Variants in PEAK1 observed in about 807,000 individuals in gnomAD.
PEAK1 encodes the protein inactive tyrosine-protein kinase PEAK1.
In PEAK1, 54 loss-of-function variants were observed where a neutral mutation model predicts 124.7. The observed-to-expected ratio is 0.43, with a 90% CI of 0.35 to 0.54. The LOEUF (loss-of-function observed/expected upper bound fraction) is 0.54. PEAK1 is among the 20% of genes least tolerant of loss of function. The probability of loss-of-function intolerance (pLI) is 0.01; values close to 1 mark genes in which losing one functional copy is unlikely to be tolerated. For synonymous variants in PEAK1, 719 were observed against 760.0 expected, an observed-to-expected ratio of 0.95 and a Z score of 0.89; for missense variants, 2,046 against 2,134.5, an observed-to-expected ratio of 0.96 and a Z score of 0.82.
intron 6 of PEAK1, among the ~76,000 whole-genome samples, chr15:77,250,175 G>GTATATGTATATATATACATA (rs1555456290): frequency 1.1e-4 from 14 of 130,874 alleles, no homozygotes; most frequent in African/African-American, 4.3e-4. Context: ...ACATATATAT[G>GTATATGTATATATATACATA]TATATGTATA....
In PEAK1 at chr15:77,262,114, A is replaced by G. The variant is rs1037731443; in HGVS notation, c.-274-9588T>C. ...TAAAAGAACTCCTGAAGGAAGCACT[A>G]AACATGGAAAGGAACAACCAGTTCC... On this transcript the variant is annotated intron_variant, in intron 5 of 9. Coordinates refer to ENST00000682557, the MANE Select transcript of PEAK1 (RefSeq NM_001385026.1). 2.0e-5 allele frequency among the ~76,000 whole-genome samples: 3 copies of G among 152,202 alleles called. No individual in the cohort carries two copies. In the East Asian group the frequency reaches 5.8e-4, roughly 29 times the overall value.
chr15:77,308,301 A>G (rs563004242), intron 2 of PEAK1, among the ~76,000 whole-genome samples: 1 of 152,216 alleles, frequency 6.6e-6, no homozygotes, highest in Admixed American at 6.5e-5. Context: ...CAGAGTTGCT[A>G]TAAAGATTTA....
At position 77,114,293 on chromosome 15, in the gene PEAK1, G is replaced by C. The variant is rs1194416610; in HGVS notation, c.5104C>G (p.Leu1702Val). ...GACTTCTCAGCAAACTTGATCATGA[G>C]CAGTGTTCGCTTGATGTCTAGCCAG... Reference protein sequence around the residue: ...QNWLDIKRTLLMIKFAEKSLD... With the variant: ...QNWLDIKRTLVMIKFAEKSLD... The change falls in exon 10 of 10, where the codon CTC (leucine) becomes GTC (valine). Residue 1702 changes from leucine to valine, a missense_variant. Leu to Val is a conservative substitution (Grantham distance 32). Transcript: ENST00000682557. 6.2e-7 allele frequency: 1 copy of C among 1,614,102 alleles called. No individual in the cohort carries two copies. Among genetic ancestry groups the C allele is most frequent in the East Asian group, 2.2e-5 (1 of 44,898 alleles).
Position 77,179,178 on chromosome 15 carries a change from C to G in PEAK1, c.2749G>C (p.Ala917Pro). 1.9e-6 allele frequency: 3 copies of G among 1,614,176 alleles called. No individual in the cohort carries two copies. Among genetic ancestry groups the G allele is most frequent in the Non-Finnish European group, 2.5e-6 (3 of 1,180,034 alleles). ...SVLHSEGSRR[A>P]ADAKPKRWIS... Reference sequence around the variant, plus strand: ...CAGCGCTTAGGTTTTGCATCAGCTGCCCGCCTGCTGCCTTCAGAGTGCAAA... The same window carrying G: ...CAGCGCTTAGGTTTTGCATCAGCTGGCCGCCTGCTGCCTTCAGAGTGCAAA... Residue 917 changes from alanine (A) to proline (P), a missense_variant, in exon 7 of 10, where the codon GCA becomes CCA. By Grantham distance (27) the Ala-to-Pro change is conservative. Transcript: ENST00000682557.
At chr15:77,121,677 T>C (rs2051930638) in intron 9 of PEAK1, among the ~76,000 whole-genome samples, 1 of 152,130 alleles carries the variant, frequency 6.6e-6, no homozygotes, top group South Asian at 2.1e-4. Flanking sequence ...ATAAGACTCT[T>C]CAAAAATATT....
intron 2 of PEAK1, chr15:77,350,339 G>A (rs1413188175): frequency 1.0e-6 from 1 of 985,282 alleles, no homozygotes; most frequent in African/African-American, 1.7e-5. Flanking sequence ...CATGGCCAGA[G>A]AGTATCATCA....
Position 77,180,012 on chromosome 15 carries a change from C to G in PEAK1, c.1915G>C (p.Ala639Pro). 6.2e-7 allele frequency: 1 copy of G among 1,614,042 alleles called. No homozygotes were observed. Among genetic ancestry groups the G allele is most frequent in the Non-Finnish European group, 8.5e-7 (1 of 1,179,964 alleles). The part of the protein sequence containing the change: ...VINPNAYDNL[A>P]IYKSFLGTSG... ...GTTCCCAGAAAACTTTTGTAGATAG[C>G]TAGATTGTCATATGCATTTGGATTG... The change falls in exon 7 of 10, where the codon GCT (alanine) becomes CCT (proline). Residue 639 changes from alanine to proline, a missense_variant. Ala to Pro is a conservative substitution (Grantham distance 27). Transcript: ENST00000682557.
At chr15:77,408,158 C>T (rs201256436) in intron 1 of PEAK1, among the ~76,000 whole-genome samples, 38,875 of 142,124 alleles carry the variant, frequency 0.27, 5,376 homozygotes, top group Middle Eastern at 0.35. Context: ...TATACATACA[C>T]ACACACACAC....
chr15:77,253,242 C>T lies in PEAK1; in HGVS notation c.-274-716G>A, dbSNP rs541496487. Among the ~76,000 whole-genome samples, 306 of 62,670 alleles carry T rather than the reference C, an allele frequency of 4.9e-3. 1 individual carries two copies. The highest frequency in any genetic ancestry group is 0.012 in the Non-Finnish European group (244 of 20,244). 41.1% of individuals were successfully genotyped at this position (62,670 alleles called of 152,430 possible). ...CTGAGCATCTGTGAATTTTGGTATG[C>T]GTTGGGGGGGGGGTGGTCCTGGAGC... On this transcript the variant is annotated intron_variant, in intron 5 of 9. Transcript: ENST00000682557.
intron 6 of PEAK1, among the ~76,000 whole-genome samples, chr15:77,201,296 G>A (rs1390999468): frequency 7.8e-6 from 1 of 128,886 alleles, no homozygotes; most frequent in Non-Finnish European, 1.6e-5. Context: ...GGAGTGCAGT[G>A]TTGAAATCTC....
chr15:77,319,113 G>A (rs550185762), intron 2 of PEAK1, among the ~76,000 whole-genome samples: 1 of 152,228 alleles, frequency 6.6e-6, no homozygotes, highest in East Asian at 1.9e-4. Context: ...TTGAAATTTA[G>A]TAACTACTCT....
rs561631540 is a variant in PEAK1, at chr15:77,281,013, A to G, written c.-275+2870T>C. Among the ~76,000 whole-genome samples the G allele has an allele frequency of 1.7e-3, 254 of 152,082 alleles. 1 individual carries two copies. The highest frequency in any genetic ancestry group is 2.8e-3 in the Non-Finnish European group (193 of 67,998). ...CATCTCTACTGAAAATACAAAAATT[A>G]GCCAGGTGGGGTGACACCGGTAATC... On this transcript the variant is annotated intron_variant, in intron 5 of 9. Coordinates refer to ENST00000682557, the MANE Select transcript of PEAK1 (RefSeq NM_001385026.1).
intron 2 of PEAK1, chr15:77,330,961 G>A: frequency 1.5e-5 from 13 of 858,590 alleles, no homozygotes; most frequent in Non-Finnish European, 1.8e-5. Context: ...TAGGTACTAA[G>A]TATTTGTGAG....
intron 1 of PEAK1, among the ~76,000 whole-genome samples, chr15:77,407,912 TACACATATATACATATATAC>T (rs1567364185): frequency 1.1e-5 from 1 of 90,128 alleles, no homozygotes; most frequent in Non-Finnish European, 3.0e-5. Context: ...CACATATATA[TACACATATATACATATATAC>T]ACACATATAT....
At chr15:77,253,247 G>T (rs564586272) in intron 5 of PEAK1, among the ~76,000 whole-genome samples, 4 of 148,466 alleles carry the variant, frequency 2.7e-5, no homozygotes, top group South Asian at 2.2e-4. Flanking sequence ...GTATGCGTTG[G>T]GGGGGGGGTG....
chr15:77,279,835 T>A (rs1163030962), intron 5 of PEAK1, among the ~76,000 whole-genome samples: 1 of 152,182 alleles, frequency 6.6e-6, no homozygotes, highest in African/African-American at 2.4e-5. Flanking sequence ...GGATACAGTT[T>A]AGCTAGGAAA....
chr15:77,355,871 C>G (rs1384994319), intron 2 of PEAK1: 2 of 985,168 alleles, frequency 2.0e-6, no homozygotes, highest in Admixed American at 1.2e-4. Context: ...AAGTTACAGC[C>G]CTGGAAAAAT....
chr15:77,280,748 T>C (rs1158158599), intron 5 of PEAK1, among the ~76,000 whole-genome samples: 1 of 152,208 alleles, frequency 6.6e-6, no homozygotes, highest in Non-Finnish European at 1.5e-5. Flanking sequence ...TGGTTTTATG[T>C]GATCTTTTAT....
intron 8 of PEAK1, among the ~76,000 whole-genome samples, chr15:77,139,378 C>A (rs1008978460): frequency 6.6e-6 from 1 of 152,174 alleles, no homozygotes; most frequent in South Asian, 2.1e-4. Flanking sequence ...AATGCACAAA[C>A]CAGTAACTCA....
Sources: allele counts gnomAD v4.1 joint callset (sites outside exome capture counted in the v4.1 genomes callset), GRCh38; gene constraint gnomAD v4.1.1; transcripts MANE v1.5; gene names NCBI Gene and HGNC (gene_info 2026-07-23, HGNC 2026-07-21).